The following DLG2 variants were observed in gnomAD, a reference collection of about 807,000 sequenced individuals.
The protein encoded by DLG2 is disks large homolog 2.
Under a neutral mutation model 132.5 loss-of-function variants are expected in DLG2, and 45 were observed. The observed-to-expected ratio is 0.34, with a 90% CI of 0.27 to 0.44. DLG2 has a LOEUF of 0.44. Ranked by LOEUF, DLG2 falls within the 20% of genes least tolerant of loss-of-function variation. The probability of loss-of-function intolerance (pLI) is 1.00; values close to 1 mark genes in which losing one functional copy is unlikely to be tolerated. For synonymous variants in DLG2, 424 were observed against 419.6 expected (o/e 1.01, Z -0.13); for missense variants, 1,045 against 1,196.9 (o/e 0.87, Z 1.87).
intron 11 of DLG2, among the ~76,000 whole-genome samples, chr11:84,037,387 A>G (rs1167778151): frequency 6.6e-6 from 1 of 152,168 alleles, no homozygotes. Context: ...AAATTTCTAA[A>G]GACAAGACTC....
intron 6 of DLG2, among the ~76,000 whole-genome samples, chr11:84,667,925 G>C (rs920532155): frequency 4.6e-5 from 7 of 151,966 alleles, no homozygotes; most frequent in Non-Finnish European, 1.0e-4. Flanking sequence ...CATTATTCTG[G>C]ATATATTATT....
At chr11:84,474,156 G>A (rs2099115665) in intron 7 of DLG2, among the ~76,000 whole-genome samples, 2 of 151,876 alleles carry the variant, frequency 1.3e-5, no homozygotes, top group African/African-American at 4.8e-5. Flanking sequence ...GTATCAAGTG[G>A]GATCTCCTCT....
At chr11:84,046,502 C>T (rs903062408) in intron 11 of DLG2, among the ~76,000 whole-genome samples, 1 of 151,518 alleles carries the variant, frequency 6.6e-6, no homozygotes, top group African/African-American at 2.4e-5. Context: ...AACTATTGAA[C>T]TGTTGCTTCA....
chr11:83,835,167 T>C (rs886387339), intron 16 of DLG2, among the ~76,000 whole-genome samples: 2 of 152,184 alleles, frequency 1.3e-5, no homozygotes, highest in Non-Finnish European at 2.9e-5. Context: ...ATTCTACAAA[T>C]ACTTTGTAAA....
chr11:83,795,445 ATC>A (rs60590420), intron 17 of DLG2, among the ~76,000 whole-genome samples: 5,222 of 149,486 alleles, frequency 0.035, 309 homozygotes, highest in African/African-American at 0.12. Flanking sequence ...ATATCTATAT[ATC>A]TATATCTATA....
intron 3 of DLG2, among the ~76,000 whole-genome samples, chr11:85,319,035 C>T (rs1002313900): frequency 1.3e-5 from 2 of 151,860 alleles, no homozygotes; most frequent in African/African-American, 4.8e-5. Flanking sequence ...TCACAAATGC[C>T]TAGTTGCATT....
intron 6 of DLG2, among the ~76,000 whole-genome samples, chr11:84,745,796 T>C (rs577807054): frequency 9.2e-5 from 14 of 152,338 alleles, no homozygotes; most frequent in African/African-American, 2.6e-4. Context: ...CATCATTACA[T>C]GAAGTGGCTA....
intron 3 of DLG2, among the ~76,000 whole-genome samples, chr11:85,592,491 G>A (rs1240489012): frequency 6.6e-6 from 1 of 152,032 alleles, no homozygotes; most frequent in Admixed American, 6.6e-5. Context: ...CTCTCACATG[G>A]GCCAGCAACA....
chr11:83,979,349 C>T lies in DLG2; in HGVS notation c.1056+1157G>A, dbSNP rs138636374. Among the ~76,000 whole-genome samples, 213 of 152,254 alleles carry T rather than the reference C, an allele frequency of 1.4e-3. 1 individual carries two copies. Among genetic ancestry groups the T allele is most frequent in the African/African-American group, 4.8e-3 (198 of 41,576 alleles). ...CTCACAAAATTGTTGGAGATAATGGCTCCTTGCAGACAGATTAGAAGTCCT... is the reference window on the plus strand; with the variant it reads ...CTCACAAAATTGTTGGAGATAATGGTTCCTTGCAGACAGATTAGAAGTCCT... On this transcript the variant is annotated intron_variant, in intron 12 of 27. Coordinates refer to ENST00000376104, the MANE Select transcript of DLG2 (RefSeq NM_001142699.3).
intron 4 of DLG2, among the ~76,000 whole-genome samples, chr11:85,209,742 G>T (rs1367531941): frequency 6.6e-6 from 1 of 151,412 alleles, no homozygotes; most frequent in Non-Finnish European, 1.5e-5. Context: ...AACCAGCCTA[G>T]AAAGCAGTCT....
At chr11:84,882,422 C>G (rs2087499095) in intron 6 of DLG2, among the ~76,000 whole-genome samples, 1 of 151,978 alleles carries the variant, frequency 6.6e-6, no homozygotes, top group Non-Finnish European at 1.5e-5. Flanking sequence ...ACAAAACAAG[C>G]CTTCTCCTAC....
chr11:83,733,240 CAAAAAAAAAAA>C (rs71066061), intron 18 of DLG2, among the ~76,000 whole-genome samples: 1 of 46,254 alleles, frequency 2.2e-5, no homozygotes, highest in Non-Finnish European at 4.2e-5. Flanking sequence ...GACCCCATCT[CAAAAAAAAAAA>C]AAAAAAAAAA....
At chr11:84,802,685 G>A (rs1415758976) in intron 6 of DLG2, among the ~76,000 whole-genome samples, 2 of 149,516 alleles carry the variant, frequency 1.3e-5, no homozygotes, top group Non-Finnish European at 3.0e-5. Flanking sequence ...ATAGTGGTAA[G>A]CCCTCTAGGC....
chr11:85,300,547 T>G (rs144041195), intron 3 of DLG2, among the ~76,000 whole-genome samples: 66 of 152,276 alleles, frequency 4.3e-4, no homozygotes, highest in African/African-American at 1.5e-3. Context: ...TCTCAGATGT[T>G]CATATGCTGT....
intron 3 of DLG2, among the ~76,000 whole-genome samples, chr11:85,555,532 T>A (rs970961779): frequency 4.6e-5 from 7 of 151,904 alleles, no homozygotes; most frequent in African/African-American, 1.7e-4. Context: ...TTTCTAAGCA[T>A]CTCTTGTTTT....
rs1261142628 is a variant in DLG2 at position 84,714,573 on chromosome 11, CTCTTTCTCTTTCTCTTTCTCTT to C, written c.358-179864_358-179843del. On this transcript the variant is annotated intron_variant, in intron 6 of 27. Transcript: ENST00000376104. ...TTTCTCTCTCTTTCTCTTTCTCTTT[CTCTTTCTCTTTCTCTTTCTCTT>C]TCTTTCTCTTTCTCTTTCTCTTTCT... 1.9e-3 allele frequency among the ~76,000 whole-genome samples: 244 copies of C among 130,380 alleles called. 5 individuals are homozygous for C. The highest frequency in any genetic ancestry group is 6.9e-3 in the South Asian group (28 of 4,064). 85.5% of individuals were successfully genotyped at this position (130,380 alleles called of 152,430 possible). A position where few individuals can be genotyped will look rare whatever the true frequency, so the allele number is the denominator to read the frequency against.
chr11:83,704,869 T>C (rs1379990279), intron 18 of DLG2, among the ~76,000 whole-genome samples: 3 of 151,922 alleles, frequency 2.0e-5, no homozygotes, highest in Admixed American at 2.0e-4. Context: ...AAAAACTGAG[T>C]ATAACCTTAA....
intron 6 of DLG2, among the ~76,000 whole-genome samples, chr11:84,849,863 G>C (rs1398890878): frequency 1.3e-5 from 2 of 152,078 alleles, no homozygotes; most frequent in Non-Finnish European, 2.9e-5. Context: ...TCTACACCTA[G>C]ACAGGTTTTG....
intron 4 of DLG2, among the ~76,000 whole-genome samples, chr11:85,257,615 G>A (rs12791570): frequency 0.079 from 12,086 of 152,222 alleles, 680 homozygotes; most frequent in Non-Finnish European, 0.12. Flanking sequence ...GAAGAAGCCT[G>A]CTATTTTGAG....
Sources: allele counts gnomAD v4.1 joint callset (sites outside exome capture counted in the v4.1 genomes callset), GRCh38; gene constraint gnomAD v4.1.1; transcripts MANE v1.5; gene names NCBI Gene and HGNC (gene_info 2026-07-23, HGNC 2026-07-21).